The following PCDHGA2 variants were observed in gnomAD, a reference collection of about 807,000 sequenced individuals.
PCDHGA2 encodes protocadherin gamma-A2.
A neutral mutation model predicts 59.2 loss-of-function variants in PCDHGA2; 40 were observed. That is an observed-to-expected ratio of 0.68 (90% CI 0.52 to 0.88). PCDHGA2 has a LOEUF of 0.88. Ranked by LOEUF, PCDHGA2 falls within the 40% of genes least tolerant of loss-of-function variation. The probability of loss-of-function intolerance (pLI) is 0.00; values close to 1 mark genes in which losing one functional copy is unlikely to be tolerated. For synonymous variants in PCDHGA2, 560 were observed against 526.0 expected (o/e 1.06, Z -0.89); for missense variants, 1,226 against 1,204.0 (o/e 1.02, Z -0.27).
intron 1 of PCDHGA2, chr5:141,389,727 T>C (rs1176419914): frequency 4.3e-6 from 7 of 1,612,724 alleles, no homozygotes; most frequent in Non-Finnish European, 5.9e-6. Context: ...GCCCGGGCTC[T>C]TCAGCCTGGG....
intron 1 of PCDHGA2, among the ~76,000 whole-genome samples, chr5:141,347,820 G>C (rs1321611329): frequency 6.6e-6 from 1 of 151,918 alleles, no homozygotes; most frequent in Admixed American, 6.6e-5. Flanking sequence ...TGGTCAAATG[G>C]TTTTACCTAT....
chr5:141,357,577 A>G (rs1202708968), intron 1 of PCDHGA2: 6 of 1,614,078 alleles, frequency 3.7e-6, no homozygotes, highest in Non-Finnish European at 5.1e-6. Flanking sequence ...GCCTCTTCTG[A>G]TAACTCAGGA....
intron 1 of PCDHGA2, chr5:141,377,186 T>G (rs1773756873): frequency 6.6e-6 from 1 of 152,252 alleles, no homozygotes; most frequent in Non-Finnish European, 1.5e-5. Context: ...TGGCAAACTA[T>G]TTGTGTCTTG....
intron 1 of PCDHGA2, among the ~76,000 whole-genome samples, chr5:141,402,517 G>A (rs2094277430): frequency 6.6e-6 from 1 of 152,024 alleles, no homozygotes; most frequent in African/African-American, 2.4e-5. Context: ...ATTAAGCAAT[G>A]GTTTGTGATT....
intron 1 of PCDHGA2, among the ~76,000 whole-genome samples, chr5:141,450,424 CTTTAA>C (rs2098679800): frequency 1.3e-5 from 2 of 152,146 alleles, no homozygotes; most frequent in East Asian, 3.9e-4. Context: ...TGTATAATGC[CTTTAA>C]TTTATATTTG....
chr5:141,394,640 C>T (rs1316258017), intron 1 of PCDHGA2: 2 of 1,613,310 alleles, frequency 1.2e-6, no homozygotes, highest in Non-Finnish European at 1.7e-6. Flanking sequence ...ACCGCCTGCT[C>T]AAGGCCAGCG....
At chr5:141,358,572 T>C (rs534832026) in intron 1 of PCDHGA2, among the ~76,000 whole-genome samples, 6 of 152,362 alleles carry the variant, frequency 3.9e-5, no homozygotes, top group South Asian at 4.1e-4. Context: ...GAAGTGACTA[T>C]GTGTGATTCC....
chr5:141,429,416 T>C (rs527999196), intron 1 of PCDHGA2, among the ~76,000 whole-genome samples: 1 of 152,230 alleles, frequency 6.6e-6, no homozygotes, highest in Admixed American at 6.5e-5. Flanking sequence ...GGTCTCATTA[T>C]GTTGCCCAGG....
At chr5:141,393,624 G>A (rs1190793808) in intron 1 of PCDHGA2, 1 of 1,613,972 alleles carries the variant, frequency 6.2e-7, no homozygotes, top group Non-Finnish European at 8.5e-7. Flanking sequence ...CGACCCGGAT[G>A]AGGGAATCAA....
At chr5:141,443,844 G>T (rs976057583) in intron 1 of PCDHGA2, among the ~76,000 whole-genome samples, 1 of 152,130 alleles carries the variant, frequency 6.6e-6, no homozygotes, top group African/African-American at 2.4e-5. Flanking sequence ...GGGTAATATG[G>T]AAAGTCTGAA....
intron 1 of PCDHGA2, among the ~76,000 whole-genome samples, chr5:141,436,832 C>T (rs1242760381): frequency 6.6e-6 from 1 of 152,172 alleles, no homozygotes; most frequent in African/African-American, 2.4e-5. Flanking sequence ...ATCTTAAGTG[C>T]CTAGGCACAT....
intron 1 of PCDHGA2, chr5:141,378,091 TC>T (rs1774623141): frequency 6.6e-6 from 1 of 152,230 alleles, no homozygotes; most frequent in African/African-American, 2.4e-5. Flanking sequence ...TAACTTTTTT[TC>T]AAACTCTAAA....
At chr5:141,449,818 A>G (rs1446661913) in intron 1 of PCDHGA2, among the ~76,000 whole-genome samples, 2 of 151,708 alleles carry the variant, frequency 1.3e-5, no homozygotes, top group Non-Finnish European at 2.9e-5. Flanking sequence ...GTATTTCCTA[A>G]CAAGGACATT....
chr5:141,346,360 C>A lies in PCDHGA2; in HGVS notation c.2424+4965C>A, dbSNP rs370532251. The A allele has an allele frequency of 5.4e-5, 87 of 1,614,110 alleles. No individual in the cohort carries two copies. The highest frequency in any genetic ancestry group is 6.7e-5 in the Non-Finnish European group (79 of 1,180,044). On this transcript the variant is annotated intron_variant, in intron 1 of 3. Transcript: ENST00000394576. ...CTGATTTTCCCCCAGCCCAACTATG[C>A]GGACACGCTCATCAGCCAGGAGAGC...
chr5:141,399,497 TACCCGAAAACA>T, intron 1 of PCDHGA2: 2 of 1,614,030 alleles, frequency 1.2e-6, no homozygotes, highest in Non-Finnish European at 1.7e-6. Flanking sequence ...TTAGTCAGTG[TACCCGAAAACA>T]ACCCTCCTGG....
chr5:141,472,980 C>CAAAAAAAAA (rs60579131), intron 1 of PCDHGA2, among the ~76,000 whole-genome samples: 30 of 86,054 alleles, frequency 3.5e-4, no homozygotes, highest in African/African-American at 5.0e-4. Context: ...GAGTGAAACT[C>CAAAAAAAAA]AAAAAAAAAA....
Position 141,491,722 on chromosome 5 carries a change from CG to C in PCDHGA2, c.2425-3082del. Reference sequence around the variant, plus strand: ...CCAGGTGAGGGGCTCGGCGCCGCCCCGGGCGACCCCTGGGGGCGGCACTGGA... The same window carrying C: ...CCAGGTGAGGGGCTCGGCGCCGCCCCGGCGACCCCTGGGGGCGGCACTGGA... On this transcript the variant is annotated intron_variant, in intron 1 of 3. Transcript: ENST00000394576. The surrounding 1 kb of genome is among the most constrained non-coding windows in gnomAD (Gnocchi z 6.9). The C allele has an allele frequency of 1.2e-6, 2 of 1,607,004 alleles. No homozygotes were observed. Among genetic ancestry groups the C allele is most frequent in the Non-Finnish European group, 1.7e-6 (2 of 1,177,148 alleles).
chr5:141,384,022 G>C, intron 1 of PCDHGA2: 3 of 1,613,680 alleles, frequency 1.9e-6, no homozygotes, highest in Non-Finnish European at 2.5e-6. Context: ...ACAAGACAGA[G>C]ATTCTGGAAA....
chr5:141,350,906 G>A (rs868300489), intron 1 of PCDHGA2: 5 of 1,613,858 alleles, frequency 3.1e-6, no homozygotes, highest in African/African-American at 1.3e-5. Flanking sequence ...GGATGGCGGG[G>A]ACCCGCCTCT....
Sources: allele counts gnomAD v4.1 joint callset (sites outside exome capture counted in the v4.1 genomes callset), GRCh38; gene constraint gnomAD v4.1.1; non-coding constraint Gnocchi (gnomAD v3.1); transcripts MANE v1.5; gene names NCBI Gene and HGNC (gene_info 2026-07-23, HGNC 2026-07-21).